Variants in PTPRD observed in about 807,000 individuals in gnomAD.
PTPRD encodes receptor-type tyrosine-protein phosphatase delta.
Under a neutral mutation model 214.5 loss-of-function variants are expected in PTPRD, and 34 were observed. That is an observed-to-expected ratio of 0.16 (90% CI 0.12 to 0.21). PTPRD has a LOEUF of 0.21. PTPRD is among the 10% of genes least tolerant of loss of function. The pLI, the probability that PTPRD is intolerant of heterozygous loss-of-function variation, is 1.00. For missense variants in PTPRD, 2,545 were observed against 2,398.7 expected, an observed-to-expected ratio of 1.06 and a Z score of -1.27; for synonymous variants, 1,128 against 845.7, an observed-to-expected ratio of 1.33 and a Z score of -5.79.
At chr9:8,670,196 A>G (rs1205911421) in intron 12 of PTPRD, among the ~76,000 whole-genome samples, 1 of 152,140 alleles carries the variant, frequency 6.6e-6, no homozygotes, top group Non-Finnish European at 1.5e-5. Context: ...AAAATCCCTA[A>G]TAAGACACAA....
chr9:9,735,111 C>A (rs1024993418), intron 6 of PTPRD, among the ~76,000 whole-genome samples: 2 of 151,966 alleles, frequency 1.3e-5, no homozygotes, highest in Admixed American at 6.6e-5. Flanking sequence ...TAAAATGCAG[C>A]CTCTATTTTT....
At chr9:9,580,547 C>CTTTTTT (rs1176394314) in intron 7 of PTPRD, among the ~76,000 whole-genome samples, 4 of 123,088 alleles carry the variant, frequency 3.2e-5, no homozygotes, top group Non-Finnish European at 3.4e-5. Context: ...ACTTTATTTT[C>CTTTTTT]TTTTTTTTTT....
intron 11 of PTPRD, among the ~76,000 whole-genome samples, chr9:8,973,780 CAT>C (rs2099252823): frequency 6.6e-6 from 1 of 152,070 alleles, no homozygotes; most frequent in South Asian, 2.1e-4. Flanking sequence ...AATGGCATCT[CAT>C]TGTGGTTTTG....
At chr9:9,565,162 C>G (rs2084119226) in intron 8 of PTPRD, among the ~76,000 whole-genome samples, 1 of 151,678 alleles carries the variant, frequency 6.6e-6, no homozygotes, top group Admixed American at 6.6e-5. Flanking sequence ...AAAGGATTAT[C>G]TGAATGAGTA....
chr9:8,448,787 G>A (rs1564883916), intron 34 of PTPRD, among the ~76,000 whole-genome samples: 1 of 152,158 alleles, frequency 6.6e-6, no homozygotes, highest in South Asian at 2.1e-4. Flanking sequence ...AATGTGTACT[G>A]TAATATATCT....
At chr9:9,452,674 A>G (rs1226346199) in intron 8 of PTPRD, among the ~76,000 whole-genome samples, 1 of 150,468 alleles carries the variant, frequency 6.6e-6, no homozygotes, top group East Asian at 1.9e-4. Context: ...GGATTCACAG[A>G]CTTAAAGATT....
At chr9:10,413,629 A>T (rs2154513052) in intron 2 of PTPRD, among the ~76,000 whole-genome samples, 1 of 152,108 alleles carries the variant, frequency 6.6e-6, no homozygotes, top group South Asian at 2.1e-4. Flanking sequence ...TATGGAACCA[A>T]AAAAAGAGCC....
intron 14 of PTPRD, among the ~76,000 whole-genome samples, chr9:8,594,082 T>C (rs986673690): frequency 1.3e-5 from 2 of 152,210 alleles, no homozygotes; most frequent in African/African-American, 4.8e-5. Flanking sequence ...ATGTAATATA[T>C]AATGCCCAGT....
chr9:10,344,754 T>C (rs1279979290), intron 2 of PTPRD, among the ~76,000 whole-genome samples: 2 of 152,112 alleles, frequency 1.3e-5, no homozygotes, highest in Admixed American at 6.6e-5. Context: ...CCCTGGTAAG[T>C]TGGATACCTA....
chr9:10,167,020 TCA>T (rs1326628133), intron 3 of PTPRD, among the ~76,000 whole-genome samples: 1 of 152,118 alleles, frequency 6.6e-6, no homozygotes, highest in African/African-American at 2.4e-5. Context: ...GTATTCACTT[TCA>T]GAATTGTTAT....
At chr9:9,345,357 A>T (rs149240630) in intron 9 of PTPRD, among the ~76,000 whole-genome samples, 1 of 152,006 alleles carries the variant, frequency 6.6e-6, no homozygotes. Context: ...TTTTTGTTAA[A>T]GTAGGTTTTT....
intron 3 of PTPRD, among the ~76,000 whole-genome samples, chr9:10,240,123 T>C (rs1366240716): frequency 6.6e-6 from 1 of 152,030 alleles, no homozygotes; most frequent in Non-Finnish European, 1.5e-5. Context: ...ATACTTTTTG[T>C]ATAATCGTAT....
At chr9:9,344,881 A>G (rs1472495510) in intron 9 of PTPRD, among the ~76,000 whole-genome samples, 1 of 152,176 alleles carries the variant, frequency 6.6e-6, no homozygotes, top group Non-Finnish European at 1.5e-5. Context: ...GTATATAATT[A>G]TTCTATCAAT....
intron 11 of PTPRD, among the ~76,000 whole-genome samples, chr9:8,825,459 G>C (rs1214832806): frequency 1.3e-5 from 2 of 152,096 alleles, no homozygotes; most frequent in African/African-American, 2.4e-5. Flanking sequence ...GAGGTAGAGA[G>C]AAATAAATAT....
intron 11 of PTPRD, among the ~76,000 whole-genome samples, chr9:8,844,177 A>G (rs2097637773): frequency 6.6e-6 from 1 of 152,200 alleles, no homozygotes; most frequent in Admixed American, 6.5e-5. Context: ...TACATTATAC[A>G]TAATACCATG....
chr9:9,679,286 A>T (rs1381953589), intron 7 of PTPRD, among the ~76,000 whole-genome samples: 1 of 151,680 alleles, frequency 6.6e-6, no homozygotes, highest in Non-Finnish European at 1.5e-5. Context: ...TTTGCTACAC[A>T]CAAAAGATGG....
chr9:8,757,705 TAAAGGA>T (rs1366516494), intron 11 of PTPRD, among the ~76,000 whole-genome samples: 1 of 149,814 alleles, frequency 6.7e-6, no homozygotes, highest in African/African-American at 2.5e-5. Flanking sequence ...TTGAATGTCT[TAAAGGA>T]AAAAGATTAG....
intron 36 of PTPRD, among the ~76,000 whole-genome samples, chr9:8,393,516 G>T (rs2090244903): frequency 6.6e-6 from 1 of 152,052 alleles, no homozygotes. Context: ...CTCCTCATAA[G>T]CAAAATTTTA....
chr9:10,198,616 G>T (rs951927169), intron 3 of PTPRD, among the ~76,000 whole-genome samples: 5 of 152,058 alleles, frequency 3.3e-5, no homozygotes, highest in Non-Finnish European at 5.9e-5. Flanking sequence ...ACATTGAAAG[G>T]ATAAAATGAA....
Sources: gnomAD v4.1 joint callset for allele counts (sites outside exome capture counted in the v4.1 genomes callset) on GRCh38, gnomAD v4.1.1 for gene constraint, MANE v1.5 for transcripts, NCBI Gene and HGNC (gene_info 2026-07-23, HGNC 2026-07-21) for gene names.